Variants in FBXL7 observed in about 807,000 individuals in gnomAD.
The protein encoded by FBXL7 is F-box and leucine rich repeat protein 7.
A neutral mutation model predicts 38.3 loss-of-function variants in FBXL7; 12 were observed. The ratio of observed to expected loss-of-function variants is 0.31; its 90% CI spans 0.20 to 0.51. The LOEUF (loss-of-function observed/expected upper bound fraction) is 0.51. FBXL7 is among the 20% of genes least tolerant of loss of function. FBXL7 has a pLI of 0.98. For missense variants in FBXL7, 567 were observed against 676.4 expected (o/e 0.84, Z 1.79); for synonymous variants, 297 against 300.9 (o/e 0.99, Z 0.13).
At chr5:15,891,367 G>A (rs1740894294) in intron 2 of FBXL7, among the ~76,000 whole-genome samples, 1 of 152,140 alleles carries the variant, frequency 6.6e-6, no homozygotes, top group South Asian at 2.1e-4. Context: ...GTGTCTATTA[G>A]TTCACTGCCC....
intron 1 of FBXL7, among the ~76,000 whole-genome samples, chr5:15,512,263 T>G (rs1334406692): frequency 6.6e-6 from 1 of 152,238 alleles, no homozygotes; most frequent in Admixed American, 6.5e-5. Flanking sequence ...GAAATCCATC[T>G]TATTCATTTG....
At chr5:15,527,690 T>C (rs1323910984) in intron 1 of FBXL7, among the ~76,000 whole-genome samples, 1 of 152,228 alleles carries the variant, frequency 6.6e-6, no homozygotes, top group Non-Finnish European at 1.5e-5. Context: ...TTCCTTCCAG[T>C]TGTATGGTTC....
intron 2 of FBXL7, among the ~76,000 whole-genome samples, chr5:15,679,606 A>G (rs561545608): frequency 6.7e-6 from 1 of 149,996 alleles, no homozygotes; most frequent in Non-Finnish European, 1.5e-5. Context: ...ACACTCAAAT[A>G]GACATGCCAA....
chr5:15,778,740 C>G (rs748234742), intron 2 of FBXL7, among the ~76,000 whole-genome samples: 1 of 152,006 alleles, frequency 6.6e-6, no homozygotes, highest in African/African-American at 2.4e-5. Context: ...AGGTAGTTGC[C>G]GATGCTCCCG....
At chr5:15,585,312 A>G (rs1042097789) in intron 1 of FBXL7, among the ~76,000 whole-genome samples, 4 of 152,208 alleles carry the variant, frequency 2.6e-5, no homozygotes, top group African/African-American at 4.8e-5. Context: ...GTAGGGAGAG[A>G]TGAATCCAAT....
intron 2 of FBXL7, among the ~76,000 whole-genome samples, chr5:15,884,065 A>G (rs1295440637): frequency 6.6e-6 from 1 of 152,160 alleles, no homozygotes; most frequent in African/African-American, 2.4e-5. Flanking sequence ...ACAGTTCTGG[A>G]GGCTGCAAGT....
chr5:15,579,196 G>A lies in FBXL7; in HGVS notation c.38-36787G>A, dbSNP rs181863831. ...CTGTTTCTTACCTTCATGGAAACACGTAGGAAGAGGTTTTCTACCTTCTTG... is the reference window on the plus strand; with the variant it reads ...CTGTTTCTTACCTTCATGGAAACACATAGGAAGAGGTTTTCTACCTTCTTG... On this transcript the variant is annotated intron_variant, in intron 1 of 3. Coordinates refer to ENST00000504595, the MANE Select transcript of FBXL7 (RefSeq NM_012304.5). Among the ~76,000 whole-genome samples the A allele has an allele frequency of 2.1e-3, 320 of 152,312 alleles. 1 individual carries two copies. The highest frequency in any genetic ancestry group is 6.6e-3 in the African/African-American group (273 of 41,558).
chr5:15,713,996 A>G (rs1743962421), intron 2 of FBXL7, among the ~76,000 whole-genome samples: 1 of 152,216 alleles, frequency 6.6e-6, no homozygotes, highest in African/African-American at 2.4e-5. Context: ...AATTCCTAGA[A>G]TCTGTGACTA....
chr5:15,592,010 T>C (rs1434204141), intron 1 of FBXL7, among the ~76,000 whole-genome samples: 10 of 152,050 alleles, frequency 6.6e-5, no homozygotes, highest in Non-Finnish European at 1.5e-4. Context: ...GTGCCCGAGG[T>C]TGGCCACATC....
intron 2 of FBXL7, among the ~76,000 whole-genome samples, chr5:15,776,346 A>T (rs1457723686): frequency 6.6e-6 from 1 of 152,136 alleles, no homozygotes; most frequent in Non-Finnish European, 1.5e-5. Flanking sequence ...CAACTAGTTA[A>T]TAAAGAATAC....
At chr5:15,564,190 T>C (rs1431590260) in intron 1 of FBXL7, among the ~76,000 whole-genome samples, 1 of 152,098 alleles carries the variant, frequency 6.6e-6, no homozygotes, top group Non-Finnish European at 1.5e-5. Flanking sequence ...ATGAGATTCC[T>C]GTCTATTTCC....
At chr5:15,926,334 T>G (rs1212666921) in intron 2 of FBXL7, among the ~76,000 whole-genome samples, 1 of 148,234 alleles carries the variant, frequency 6.7e-6, no homozygotes, top group Non-Finnish European at 1.5e-5. Flanking sequence ...ATCCAATGTA[T>G]ATTATTAAAT....
chr5:15,515,615 A>G (rs1736913118), intron 1 of FBXL7, among the ~76,000 whole-genome samples: 1 of 152,196 alleles, frequency 6.6e-6, no homozygotes, highest in Non-Finnish European at 1.5e-5. Flanking sequence ...ATACTGAAGA[A>G]AAAATACTGA....
intron 2 of FBXL7, among the ~76,000 whole-genome samples, chr5:15,791,176 T>C (rs953036789): frequency 1.3e-5 from 2 of 152,194 alleles, no homozygotes; most frequent in South Asian, 2.1e-4. Flanking sequence ...AGAGGACTTA[T>C]GTTAAACCTG....
At position 15,839,786 on chromosome 5, in the gene FBXL7, A is replaced by G. The variant is rs559264244; in HGVS notation, c.128-88104A>G. 4.0e-5 allele frequency among the ~76,000 whole-genome samples: 6 copies of G among 151,488 alleles called. No individual in the cohort carries two copies. In the South Asian group the frequency reaches 8.4e-4, roughly 21 times the overall value. ...TCCTCTTCCTCTTCCTCTTACTCCT[A>G]CCTCTCCTCCCTGTCCTTCTTTTTC... On this transcript the variant is annotated intron_variant, in intron 2 of 3. Transcript: ENST00000504595.
At chr5:15,538,443 G>A (rs1339473151) in intron 1 of FBXL7, among the ~76,000 whole-genome samples, 1 of 152,106 alleles carries the variant, frequency 6.6e-6, no homozygotes, top group African/African-American at 2.4e-5. Context: ...TATCTTCAGG[G>A]GGTGAACAGA....
intron 2 of FBXL7, among the ~76,000 whole-genome samples, chr5:15,725,447 T>C (rs1436931903): frequency 1.3e-5 from 2 of 152,190 alleles, no homozygotes; most frequent in Non-Finnish European, 2.9e-5. Context: ...TCACTTTTCA[T>C]TTATAGAATT....
Position 15,928,518 on chromosome 5 carries a change from C to A in FBXL7, c.739+17C>A, listed in dbSNP as rs143490421. On this transcript the variant is annotated intron_variant, in intron 3 of 3. Transcript: ENST00000504595. The surrounding 1 kb of genome is among the most constrained non-coding windows in gnomAD (Gnocchi z 4.0). ...ATGTGTCAGGTAAATGGACACTGAC[C>A]TACCAGCTATGGGCCCTCCTGGTGC... 2 of 1,597,298 alleles carry A rather than the reference C, an allele frequency of 1.3e-6. No homozygotes were observed. The highest frequency in any genetic ancestry group is 8.5e-7 in the Non-Finnish European group (1 of 1,170,086).
chr5:15,752,558 G>A (rs1467638719), intron 2 of FBXL7, among the ~76,000 whole-genome samples: 2 of 152,018 alleles, frequency 1.3e-5, no homozygotes, highest in South Asian at 2.1e-4. Context: ...TGACCCACCA[G>A]GACCAAGACA....
Sources: gnomAD v4.1 joint callset for allele counts (sites outside exome capture counted in the v4.1 genomes callset) on GRCh38, gnomAD v4.1.1 for gene constraint, Gnocchi (gnomAD v3.1) non-coding constraint, MANE v1.5 for transcripts, NCBI Gene and HGNC (gene_info 2026-07-23, HGNC 2026-07-21) for gene names.